SMCO2: variants seen among roughly 807,000 people sequenced by gnomAD.
SMCO2 encodes single-pass membrane and coiled-coil domain-containing protein 2.
Under a neutral mutation model 29.5 loss-of-function variants are expected in SMCO2, and 25 were observed. The ratio of observed to expected loss-of-function variants is 0.85; its 90% confidence interval spans 0.62 to 1.18. The LOEUF is 1.18. SMCO2 is among the 50% of genes most tolerant of loss of function. The pLI, the probability that SMCO2 is intolerant of heterozygous loss-of-function variation, is 0.00. For synonymous variants in SMCO2, 117 were observed against 123.3 expected (o/e 0.95, Z 0.34); for missense variants, 348 against 344.5 (o/e 1.01, Z -0.08).
chr12:27,472,749 C>T (rs1285580100), intron 2 of SMCO2, 27 bp from the exon 3 acceptor site: 4 of 1,533,140 alleles, frequency 2.6e-6, no homozygotes, highest in African/African-American at 1.4e-5. Context: ...ATAATAACAG[C>T]CTCTGTTTGG....
At chr12:27,434,544 C>T in the SMCO2 span, among the ~76,000 whole-genome samples, 1 of 152,044 alleles carries the variant, frequency 6.6e-6, no homozygotes, top group Admixed American at 6.6e-5. Flanking sequence ...CAGAAGTTGT[C>T]TATGTATCTT....
chr12:27,489,677 A>G (rs1041113527), intron 5 of SMCO2, among the ~76,000 whole-genome samples: 1 of 152,172 alleles, frequency 6.6e-6, no homozygotes, highest in African/African-American at 2.4e-5. Context: ...TGCCTGGGGG[A>G]AAAATTACTT....
chr12:27,443,696 A>G, the SMCO2 span, among the ~76,000 whole-genome samples: 37 of 152,332 alleles, frequency 2.4e-4, no homozygotes, highest in African/African-American at 8.7e-4. Context: ...ACAAAAATCA[A>G]TAGTATTTAT....
upstream of SMCO2, among the ~76,000 whole-genome samples, chr12:27,466,644 T>C (rs894328111): frequency 3.3e-5 from 5 of 152,078 alleles, no homozygotes; most frequent in Non-Finnish European, 7.4e-5. Context: ...AAGAAGGACT[T>C]AGTCTCCAGA....
the SMCO2 span, chr12:27,424,029 T>A: frequency 6.6e-6 from 1 of 152,262 alleles, no homozygotes; most frequent in Non-Finnish European, 1.5e-5. Flanking sequence ...AATAATTTTA[T>A]ATTAATTACA....
the SMCO2 span, among the ~76,000 whole-genome samples, chr12:27,460,903 G>A: frequency 4.6e-5 from 7 of 152,164 alleles, no homozygotes; most frequent in Admixed American, 2.6e-4. Context: ...TTCAAGCCAG[G>A]TTTCAGAAAG....
At chr12:27,492,857 A>G (rs1942940273) in intron 5 of SMCO2, among the ~76,000 whole-genome samples, 1 of 152,116 alleles carries the variant, frequency 6.6e-6, no homozygotes, top group African/African-American at 2.4e-5. Context: ...AATATAAATC[A>G]CTCTACCATA....
In SMCO2 at chr12:27,472,829, A is replaced by G. The variant is rs910560344; in HGVS notation, c.188A>G (p.Glu63Gly). The G allele has an allele frequency of 6.4e-6, 10 of 1,550,822 alleles. No homozygotes were observed. Among genetic ancestry groups the G allele is most frequent in the Non-Finnish European group, 8.7e-6 (10 of 1,146,456 alleles). Residue 63 changes from glutamate to glycine, a missense_variant, in exon 3 of 8, where the codon GAG becomes GGG. By Grantham distance (98) the Glu-to-Gly change is moderately conservative. Coordinates refer to ENST00000298876, the Ensembl canonical transcript of SMCO2. ...CACATCTTAGACAGATCGGATGATG[A>G]GGATGACATTTCCTCCGAAAACCCT... is the stretch of plus-strand genomic sequence containing the variant.
the SMCO2 span, among the ~76,000 whole-genome samples, chr12:27,442,653 T>C: frequency 6.6e-6 from 1 of 152,212 alleles, no homozygotes; most frequent in South Asian, 2.1e-4. Context: ...TGTCAGCCAG[T>C]CACTTTGTCA....
the SMCO2 span, among the ~76,000 whole-genome samples, chr12:27,425,763 T>C: frequency 6.6e-6 from 1 of 152,014 alleles, no homozygotes; most frequent in Non-Finnish European, 1.5e-5. Flanking sequence ...CTTTCTGTTG[T>C]GTGGTTGCAG....
At chr12:27,464,573 C>T (rs967798706), upstream of SMCO2, among the ~76,000 whole-genome samples, 13 of 151,558 alleles carry the variant, frequency 8.6e-5, no homozygotes, top group African/African-American at 1.2e-4. Context: ...AAAAGTTAGC[C>T]GGGTGTGGTG....
the SMCO2 span, among the ~76,000 whole-genome samples, chr12:27,434,295 T>C: frequency 1.3e-5 from 2 of 152,172 alleles, no homozygotes; most frequent in Admixed American, 6.5e-5. Flanking sequence ...CCCAGAAACA[T>C]GTAATAGGCC....
At chr12:27,460,359 TAGACCAGAAGCCTTATCAATTACATAATC>T in the SMCO2 span, among the ~76,000 whole-genome samples, 1 of 152,224 alleles carries the variant, frequency 6.6e-6, no homozygotes, top group African/African-American at 2.4e-5. Flanking sequence ...TAGCCACCTG[TAGACCAGAAGCCTTATCAATTACATAATC>T]AGTAAATTAA....
chr12:27,453,988 T>C, the SMCO2 span, among the ~76,000 whole-genome samples: 1 of 152,064 alleles, frequency 6.6e-6, no homozygotes, highest in Non-Finnish European at 1.5e-5. Context: ...ATGAATCTCT[T>C]TTTTGTGGGG....
intron 1 of SMCO2, chr12:27,467,042 C>G (rs749413219): frequency 1.3e-5 from 2 of 152,122 alleles, no homozygotes; most frequent in Non-Finnish European, 2.9e-5. Context: ...GACGTCGAAT[C>G]CCTGATTATT....
At chr12:27,426,340 C>G in the SMCO2 span, among the ~76,000 whole-genome samples, 2 of 152,122 alleles carry the variant, frequency 1.3e-5, no homozygotes, top group Non-Finnish European at 2.9e-5. Context: ...TGAGGAGAGA[C>G]AACTTTGGGG....
exon 8 of SMCO2, chr12:27,502,185 A>G (rs1309226382): frequency 2.3e-6 from 3 of 1,286,170 alleles, no homozygotes; most frequent in Admixed American, 6.8e-5. Context: ...CTGTTCCTGT[A>G]TTGTGGTGGC....
exon 8 of SMCO2, chr12:27,501,972 G>A: frequency 1.3e-6 from 2 of 1,547,122 alleles, no homozygotes; most frequent in Non-Finnish European, 1.7e-6. Flanking sequence ...CACCGTCACT[G>A]GACTTTTATG....
the SMCO2 span, among the ~76,000 whole-genome samples, chr12:27,456,560 G>A: frequency 1.4e-4 from 22 of 152,184 alleles, no homozygotes; most frequent in Admixed American, 9.8e-4. Context: ...CTGGGACTAC[G>A]GGTGTGCACC....
Sources: allele counts gnomAD v4.1 joint callset (sites outside exome capture counted in the v4.1 genomes callset), GRCh38; gene constraint gnomAD v4.1.1; transcripts MANE v1.5; gene names NCBI Gene and HGNC (gene_info 2026-07-23, HGNC 2026-07-21).